RBM45: variants seen among roughly 807,000 people sequenced by gnomAD.
The protein encoded by RBM45 is RNA-binding protein 45.
RBM45 carries 39 observed loss-of-function variants against 58.5 expected under a neutral mutation model. The ratio of observed to expected loss-of-function variants is 0.67; its 90% confidence interval spans 0.52 to 0.87. The LOEUF is 0.87. Among genes scored for constraint, RBM45 ranks in the 40% least tolerant of loss-of-function variants. RBM45 has a pLI of 0.00. For missense variants in RBM45, 481 were observed against 581.6 expected (o/e 0.83, Z 1.78); for synonymous variants, 193 against 203.0 (o/e 0.95, Z 0.42).
At chr2:178,114,377 A>T (rs2087743716) in intron 1 of RBM45, among the ~76,000 whole-genome samples, 1 of 152,194 alleles carries the variant, frequency 6.6e-6, no homozygotes, top group South Asian at 2.1e-4. Flanking sequence ...CCCATATTTG[A>T]AATTGATGGA....
intron 3 of RBM45, among the ~76,000 whole-genome samples, chr2:178,119,044 C>A (rs989042902): frequency 4.3e-4 from 65 of 152,040 alleles, no homozygotes; most frequent in African/African-American, 1.5e-3. Context: ...TAGCCAAGAT[C>A]TAATAGGCAA....
intron 1 of RBM45, among the ~76,000 whole-genome samples, chr2:178,113,514 A>G (rs572770004): frequency 6.6e-6 from 1 of 152,340 alleles, no homozygotes; most frequent in East Asian, 1.9e-4. Flanking sequence ...CCTTTCTGTT[A>G]CTGCAACTTT....
chr2:178,129,184 T>G (rs1008552549), intron 9 of RBM45, among the ~76,000 whole-genome samples: 2 of 152,236 alleles, frequency 1.3e-5, no homozygotes, highest in Non-Finnish European at 2.9e-5. Context: ...TCAGATTTTT[T>G]GTTAATTCAC....
At chr2:178,125,361 T>C (rs1417679886) in intron 8 of RBM45, among the ~76,000 whole-genome samples, 1 of 152,156 alleles carries the variant, frequency 6.6e-6, no homozygotes, top group African/African-American at 2.4e-5. Flanking sequence ...GTTGCTGTGA[T>C]AAGGAATGTG....
rs769759477 is a variant in RBM45, at chr2:178,121,257, G to C, written c.751G>C (p.Val251Leu). 1.3e-6 allele frequency: 2 copies of C among 1,594,938 alleles called. No individual in the cohort carries two copies. The highest frequency in any genetic ancestry group is 1.1e-5 in the South Asian group (1 of 89,184). ...QEAISKRLSV[V>L]SRVPFTEEQL... is the part of the protein sequence containing the mutation. ...AGCAATCTCCAAACGCTTGTCAGTT[G>C]TATCAAGAGTTCCTTTCACTGAAGA... Residue 251 changes from valine (V) to leucine (L), a missense_variant, in exon 5 of 10, where the codon GTA becomes CTA. Coordinates refer to ENST00000286070, the MANE Select transcript of RBM45 (RefSeq NM_152945.4).
intron 8 of RBM45, 176 bp from the exon 9 acceptor site, chr2:178,125,805 TGAG>T (rs1177279415): frequency 4.2e-6 from 3 of 713,008 alleles, no homozygotes; most frequent in Non-Finnish European, 7.8e-6. Context: ...ATGGTCTGAA[TGAG>T]AAGAGAGATC....
rs368444459 is a variant in RBM45, at chr2:178,120,778, C to T, written c.673+369C>T. ...CTAAAATTTTGTTCCAGAACTACTG[C>T]TACTTTAAAATTAGGGCTACAGAAA... On this transcript the variant is annotated intron_variant, in intron 4 of 9. Transcript: ENST00000286070. 4.6e-5 allele frequency among the ~76,000 whole-genome samples: 7 copies of T among 152,096 alleles called. No homozygotes were observed. In the East Asian group the frequency reaches 7.7e-4, roughly 17 times the overall value.
chr2:178,136,593 C>G (rs1392660057), exon 4 of RBM45: 1 of 152,150 alleles, frequency 6.6e-6, no homozygotes, highest in Non-Finnish European at 1.5e-5. Flanking sequence ...GGTGACATAA[C>G]CAGCACAGAA....
chr2:178,129,123 T>C (rs1047472092), intron 9 of RBM45, among the ~76,000 whole-genome samples: 2 of 152,178 alleles, frequency 1.3e-5, no homozygotes, highest in Non-Finnish European at 2.9e-5. Context: ...ATAACCACAA[T>C]GTAATTCTCT....
At chr2:178,138,080 A>G (rs1421500895) in exon 4 of RBM45, 2 of 152,214 alleles carry the variant, frequency 1.3e-5, no homozygotes, top group East Asian at 3.8e-4. Flanking sequence ...TCATAGCACT[A>G]AAGAAAATTG....
Position 178,125,990 on chromosome 2 carries a change from T to C in RBM45, c.1239T>C (p.Phe413=). ...LDVLEDIFCR[F]GNLIEVYLVS... The stretch of plus-strand genomic sequence containing the variant: ...TTTTTTCACTTTGTTTCAGTCGTTT[T>C]GGTAACCTGATCGAAGTTTACCTTG... The change falls in exon 9 of 10, where the codon TTT becomes TTC. Residue 413 remains phenylalanine, a synonymous_variant. Coordinates refer to ENST00000286070, the MANE Select transcript of RBM45 (RefSeq NM_152945.4). The C allele has an allele frequency of 6.2e-7, 1 of 1,612,976 alleles. No homozygotes were observed. Among genetic ancestry groups the C allele is most frequent in the Non-Finnish European group, 8.5e-7 (1 of 1,179,248 alleles).
Position 178,121,370 on chromosome 2 carries a change from G to T in RBM45, c.853+11G>T. On this transcript the variant is annotated intron_variant, in intron 5 of 9. Transcript: ENST00000286070. ...CTTATTCAAATTATGGTAAAATAAT[G>T]TTCACATTAAAAAATATATATATAT... is the stretch of plus-strand genomic sequence containing the variant. The T allele has an allele frequency of 7.4e-7, 1 of 1,345,698 alleles. No homozygotes were observed. Among genetic ancestry groups the T allele is most frequent in the Non-Finnish European group, 1.0e-6 (1 of 991,630 alleles). 83.4% of individuals were successfully genotyped at this position (1,345,698 alleles called of 1,614,324 possible). A position where few individuals can be genotyped will look rare whatever the true frequency, so the allele number is the denominator to read the frequency against.
chr2:178,131,152 G>A (rs773477208), downstream of RBM45, among the ~76,000 whole-genome samples: 8 of 152,142 alleles, frequency 5.3e-5, no homozygotes, highest in Non-Finnish European at 1.0e-4. Context: ...GGAAGTTGTG[G>A]ATTAATTACC....
intron 1 of RBM45, among the ~76,000 whole-genome samples, chr2:178,114,763 T>C (rs2105897920): frequency 6.6e-6 from 1 of 152,052 alleles, no homozygotes; most frequent in South Asian, 2.1e-4. Flanking sequence ...GCCCAGCTTA[T>C]TTTTTTTATT....
At chr2:178,113,899 G>A (rs569002556) in intron 1 of RBM45, among the ~76,000 whole-genome samples, 2 of 152,280 alleles carry the variant, frequency 1.3e-5, no homozygotes, top group Admixed American at 1.3e-4. Context: ...ATGGATTTAT[G>A]TAAATAAAGG....
chr2:178,123,546 A>G lies in RBM45; in HGVS notation c.878A>G (p.Asn293Ser). The change falls in exon 6 of 10, where the codon AAT (asparagine) becomes AGT (serine). Residue 293 changes from asparagine (N) to serine (S), a missense_variant. By Grantham distance (46) the Asn-to-Ser change is conservative (BLOSUM62 1). Transcript: ENST00000286070. ...GGTCATGGAGTGGTTCAGTATTTTA[A>G]TGTAGCATCAGCTATTTATGCAAAA... ...NYGHGVVQYF[N>S]VASAIYAKYK... 1 of 1,599,066 alleles carries G rather than the reference A, an allele frequency of 6.3e-7. No homozygotes were observed. Among genetic ancestry groups the G allele is most frequent in the African/African-American group, 1.3e-5 (1 of 74,280 alleles).
At chr2:178,138,708 A>G (rs2088064051) in exon 4 of RBM45, 1 of 152,218 alleles carries the variant, frequency 6.6e-6, no homozygotes, top group Admixed American at 6.5e-5. Flanking sequence ...TATTGAAATC[A>G]TCACTGAAAC....
chr2:178,114,245 G>C (rs2087740628), intron 1 of RBM45, among the ~76,000 whole-genome samples: 1 of 152,308 alleles, frequency 6.6e-6, no homozygotes, highest in South Asian at 2.1e-4. Flanking sequence ...GCTGTGGTTT[G>C]CTGACCCCTG....
intron 3 of RBM45, among the ~76,000 whole-genome samples, chr2:178,119,840 G>A (rs59007359): frequency 2.0e-5 from 3 of 152,118 alleles, no homozygotes; most frequent in Non-Finnish European, 4.4e-5. Flanking sequence ...CAGTTAAAGG[G>A]CTCTTGTAAT....
Sources: allele counts gnomAD v4.1 joint callset (sites outside exome capture counted in the v4.1 genomes callset), GRCh38; gene constraint gnomAD v4.1.1; transcripts MANE v1.5; gene names NCBI Gene and HGNC (gene_info 2026-07-23, HGNC 2026-07-21).